Variants in LOC400499 observed in about 807,000 individuals in gnomAD.
At chr16:11,495,572 G>T in the LOC400499 span, among the ~76,000 whole-genome samples, 1 of 152,126 alleles carries the variant, frequency 6.6e-6, no homozygotes, top group East Asian at 1.9e-4. Context: ...GTAAAGCCGG[G>T]TTTCACCATG....
chr16:11,486,462 G>T, the LOC400499 span, among the ~76,000 whole-genome samples: 6 of 140,756 alleles, frequency 4.3e-5, 1 homozygote, highest in Admixed American at 4.2e-4. Flanking sequence ...TACATGGGTA[G>T]ACAGATGATG....
At chr16:11,407,742 G>T in the LOC400499 span, among the ~76,000 whole-genome samples, 3 of 151,856 alleles carry the variant, frequency 2.0e-5, no homozygotes, top group Admixed American at 6.6e-5. Context: ...ACTGAGAGGT[G>T]AGTGATCTCC....
At chr16:11,400,151 A>G in the LOC400499 span, among the ~76,000 whole-genome samples, 2 of 151,276 alleles carry the variant, frequency 1.3e-5, no homozygotes, top group Non-Finnish European at 2.9e-5. Flanking sequence ...CTCCAGGGCC[A>G]GCATGATCTG....
At chr16:11,438,222 G>T in the LOC400499 span, among the ~76,000 whole-genome samples, 1 of 152,146 alleles carries the variant, frequency 6.6e-6, no homozygotes, top group African/African-American at 2.4e-5. Flanking sequence ...TGGTTAATAT[G>T]ATGACATTTC....
the LOC400499 span, chr16:11,385,431 C>G: frequency 8.1e-7 from 1 of 1,232,028 alleles, no homozygotes; most frequent in African/African-American, 1.5e-5. Context: ...GTAGAAGCAG[C>G]CCAAAGGCAG....
the LOC400499 span, among the ~76,000 whole-genome samples, chr16:11,458,127 C>T: frequency 6.5e-3 from 992 of 152,284 alleles, 9 homozygotes; most frequent in African/African-American, 0.023. Flanking sequence ...GGCGGATCAC[C>T]CGAGGTCAGG....
chr16:11,478,958 G>A, the LOC400499 span, among the ~76,000 whole-genome samples: 1 of 152,196 alleles, frequency 6.6e-6, no homozygotes, highest in East Asian at 1.9e-4. Flanking sequence ...CATGTAAGAC[G>A]TGACTTCCTC....
the LOC400499 span, among the ~76,000 whole-genome samples, chr16:11,432,480 T>C: frequency 2.0e-5 from 3 of 152,306 alleles, no homozygotes; most frequent in African/African-American, 7.2e-5. Flanking sequence ...GAGAGTAATA[T>C]GCCCAAAGCT....
the LOC400499 span, among the ~76,000 whole-genome samples, chr16:11,488,302 T>C: frequency 6.6e-6 from 1 of 152,186 alleles, no homozygotes; most frequent in Non-Finnish European, 1.5e-5. Flanking sequence ...AGTATTCAGC[T>C]GAATGCCATA....
At chr16:11,402,329 G>A in the LOC400499 span, 5 of 395,286 alleles carry the variant, frequency 1.3e-5, no homozygotes, top group Admixed American at 4.4e-5. Flanking sequence ...CTACACACTC[G>A]CTTTGTCACC....
the LOC400499 span, among the ~76,000 whole-genome samples, chr16:11,526,028 G>C: frequency 1.3e-5 from 2 of 152,234 alleles, no homozygotes; most frequent in South Asian, 4.1e-4. Flanking sequence ...TGTCAATTCT[G>C]ATCAGTGTGC....
chr16:11,442,633 C>T, the LOC400499 span: 8 of 152,188 alleles, frequency 5.3e-5, no homozygotes, highest in Admixed American at 3.3e-4. Flanking sequence ...TTGGTGTGGT[C>T]ACACCGTCTG....
At chr16:11,478,057 A>C in the LOC400499 span, 1 of 395,352 alleles carries the variant, frequency 2.5e-6, no homozygotes, top group Non-Finnish European at 4.5e-6. Flanking sequence ...TCACGCCTGT[A>C]ATCCCAGCAC....
chr16:11,400,920 C>T, the LOC400499 span, among the ~76,000 whole-genome samples: 1 of 152,274 alleles, frequency 6.6e-6, no homozygotes, highest in South Asian at 2.1e-4. Flanking sequence ...GCCCCCCAGC[C>T]AGACAGGGAG....
the LOC400499 span, among the ~76,000 whole-genome samples, chr16:11,445,585 C>T: frequency 6.6e-6 from 1 of 152,032 alleles, no homozygotes; most frequent in Admixed American, 6.6e-5. Flanking sequence ...TCCAGGCACA[C>T]AGGACACGCA....
At chr16:11,459,885 G>C in the LOC400499 span, 1 of 1,368,320 alleles carries the variant, frequency 7.3e-7, no homozygotes, top group Non-Finnish European at 9.5e-7. Flanking sequence ...TGCCGCAGTG[G>C]CCAGGCTCAC....
the LOC400499 span, chr16:11,443,481 A>G: frequency 8.6e-6 from 2 of 233,186 alleles, no homozygotes; most frequent in Non-Finnish European, 1.6e-5. Flanking sequence ...AAAAAAAAAA[A>G]AAAAAAAAAA....
chr16:11,520,086 AGG>A, the LOC400499 span, among the ~76,000 whole-genome samples: 1 of 152,172 alleles, frequency 6.6e-6, no homozygotes, highest in Admixed American at 6.5e-5. Flanking sequence ...TAGAGTCTGC[AGG>A]GTGGGAATTG....
the LOC400499 span, among the ~76,000 whole-genome samples, chr16:11,463,817 G>A: frequency 2.6e-5 from 4 of 152,188 alleles, no homozygotes; most frequent in East Asian, 7.7e-4. Context: ...ATGAATATGT[G>A]TGTATGGACG....
Sources: gnomAD v4.1 joint callset for allele counts (sites outside exome capture counted in the v4.1 genomes callset) on GRCh38, gnomAD v4.1.1 for gene constraint, MANE v1.5 for transcripts.